ESCO1: variants seen among roughly 807,000 people sequenced by gnomAD.
ESCO1 encodes establishment of sister chromatid cohesion N-acetyltransferase 1, also known as N-acetyltransferase ESCO1.
ESCO1 carries 33 observed loss-of-function variants against 83.5 expected under a neutral mutation model. That is an observed-to-expected ratio of 0.40 (90% CI 0.30 to 0.53). ESCO1 has a LOEUF of 0.53. Ranked by LOEUF, ESCO1 falls within the 20% of genes least tolerant of loss-of-function variation. ESCO1 has a pLI of 0.63. For synonymous variants in ESCO1, 332 were observed against 324.3 expected, an observed-to-expected ratio of 1.02 and a Z score of -0.25; for missense variants, 855 against 968.0, an observed-to-expected ratio of 0.88 and a Z score of 1.55.
At chr18:21,594,595 T>C (rs1430334661) in intron 1 of ESCO1, among the ~76,000 whole-genome samples, 1 of 151,932 alleles carries the variant, frequency 6.6e-6, no homozygotes, top group Non-Finnish European at 1.5e-5. Flanking sequence ...TCCCAGCTAC[T>C]CGGGAGGCTG....
chr18:21,557,527 T>TAATATTG (rs1291452456), intron 8 of ESCO1, among the ~76,000 whole-genome samples: 1 of 152,256 alleles, frequency 6.6e-6, no homozygotes, highest in Non-Finnish European at 1.5e-5. Flanking sequence ...TTTAATAGTT[T>TAATATTG]CTTAGATCTT....
Position 21,575,198 on chromosome 18 carries a change from C to A in ESCO1, c.-355G>T. 5.2e-6 allele frequency: 2 copies of A among 382,758 alleles called. No individual in the cohort carries two copies. Among genetic ancestry groups the A allele is most frequent in the Non-Finnish European group, 9.2e-6 (2 of 217,156 alleles). The allele number at this position is 382,758 out of a possible 1,614,324, so 23.7% of individuals were successfully genotyped here. On this transcript the variant is annotated 5_prime_UTR_variant, in exon 4 of 12. Coordinates refer to ENST00000269214, the MANE Select transcript of ESCO1 (RefSeq NM_052911.3). ...TTTTTTAATTAATTTTGGTTTCAGG[C>A]CTAGCTCTATTACTGGAGGAGTTAT...
At chr18:21,594,025 G>A (rs1327422624) in intron 1 of ESCO1, among the ~76,000 whole-genome samples, 1 of 152,130 alleles carries the variant, frequency 6.6e-6, no homozygotes, top group Non-Finnish European at 1.5e-5. Context: ...GCATGGAGGA[G>A]CAGCAGCCTG....
chr18:21,594,668 A>G (rs921859773), intron 1 of ESCO1, among the ~76,000 whole-genome samples: 13 of 151,574 alleles, frequency 8.6e-5, no homozygotes, highest in African/African-American at 3.2e-4. Flanking sequence ...CGCACCACTG[A>G]ACTCCAGCCT....
chr18:21,595,113 C>G (rs1182182517), intron 1 of ESCO1, among the ~76,000 whole-genome samples: 1 of 151,814 alleles, frequency 6.6e-6, no homozygotes, highest in Non-Finnish European at 1.5e-5. Flanking sequence ...TCCCAAGGTG[C>G]TAGGATCACA....
chr18:21,559,621 T>C (rs2146196700), intron 8 of ESCO1, among the ~76,000 whole-genome samples: 1 of 152,364 alleles, frequency 6.6e-6, no homozygotes, highest in South Asian at 2.1e-4. Flanking sequence ...ACGAGGTTTG[T>C]ATATAAAATA....
At chr18:21,551,215 A>G (rs2038043114) in intron 8 of ESCO1, among the ~76,000 whole-genome samples, 1 of 152,088 alleles carries the variant, frequency 6.6e-6, no homozygotes, top group Non-Finnish European at 1.5e-5. Context: ...TCATGCCTGT[A>G]ATCCCAGCAC....
intron 9 of ESCO1, among the ~76,000 whole-genome samples, chr18:21,536,878 A>G (rs546615838): frequency 1.4e-3 from 214 of 152,300 alleles, no homozygotes; most frequent in African/African-American, 5.1e-3. Flanking sequence ...TCATCGGTAA[A>G]ACAAAAGTGA....
At chr18:21,589,500 C>A (rs2038631623) in intron 1 of ESCO1, among the ~76,000 whole-genome samples, 1 of 152,058 alleles carries the variant, frequency 6.6e-6, no homozygotes, top group African/African-American at 2.4e-5. Flanking sequence ...TTCTAGCTAT[C>A]TCAAGGTACA....
chr18:21,592,742 T>C (rs2038697078), intron 1 of ESCO1, among the ~76,000 whole-genome samples: 1 of 146,358 alleles, frequency 6.8e-6, no homozygotes. Context: ...GAGGGGCTCC[T>C]CACTTCTCAG....
In ESCO1 at chr18:21,530,505, TG is replaced by T. The variant is rs35451929; in HGVS notation, c.2376-16del. The stretch of plus-strand genomic sequence containing the variant: ...TAAAGTTACTCCTATTAAAAAAAAA[TG>T]GGGGGGGGGAAGGGTTAAGTGTGAA... On this transcript the variant is annotated splice_polypyrimidine_tract_variant and intron_variant, in intron 11 of 11. Coordinates refer to ENST00000269214, the MANE Select transcript of ESCO1 (RefSeq NM_052911.3). 977,543 of 1,148,002 alleles carry T rather than the reference TG, an allele frequency of 0.85. 411,350 individuals are homozygous for T. Among genetic ancestry groups the T allele is most frequent in the East Asian group, 0.95 (29,910 of 31,418 alleles). 71.1% of individuals were successfully genotyped at this position (1,148,002 alleles called of 1,614,324 possible).
chr18:21,572,237 TTTC>T (rs1309348199), intron 4 of ESCO1, among the ~76,000 whole-genome samples: 8 of 152,192 alleles, frequency 5.3e-5, no homozygotes, highest in Non-Finnish European at 1.2e-4. Context: ...CACTCCAAGT[TTTC>T]TTATTATAAA....
At chr18:21,556,620 A>G (rs1408389178) in intron 8 of ESCO1, among the ~76,000 whole-genome samples, 1 of 152,184 alleles carries the variant, frequency 6.6e-6, no homozygotes, top group African/African-American at 2.4e-5. Context: ...CGACCGAAGA[A>G]CAGTATTTTT....
intron 4 of ESCO1, among the ~76,000 whole-genome samples, chr18:21,568,919 A>G (rs1350453234): frequency 6.6e-6 from 1 of 151,172 alleles, no homozygotes; most frequent in Non-Finnish European, 1.5e-5. Flanking sequence ...AAAAAAAAAG[A>G]CAGGTTAAAT....
intron 8 of ESCO1, among the ~76,000 whole-genome samples, chr18:21,552,899 G>A (rs1438185613): frequency 6.6e-6 from 1 of 152,152 alleles, no homozygotes; most frequent in Admixed American, 6.6e-5. Context: ...ATGACCTTGG[G>A]TATGGCAATG....
intron 6 of ESCO1, among the ~76,000 whole-genome samples, chr18:21,565,464 C>A (rs969679089): frequency 6.6e-6 from 1 of 152,136 alleles, no homozygotes; most frequent in African/African-American, 2.4e-5. Context: ...TCTGACAATG[C>A]GGGATAAGTT....
At position 21,543,192 on chromosome 18, in the gene ESCO1, T is replaced by C. The variant is rs552360778; in HGVS notation, c.1954-3183A>G. On this transcript the variant is annotated intron_variant, in intron 8 of 11. Coordinates refer to ENST00000269214, the MANE Select transcript of ESCO1 (RefSeq NM_052911.3). Reference sequence around the variant, plus strand: ...TTTTTTTGAGACAGTTTCAATCTTGTTGCCCAGGCTGGAGTGCAATGGCGC... The same window carrying C: ...TTTTTTTGAGACAGTTTCAATCTTGCTGCCCAGGCTGGAGTGCAATGGCGC... Among the ~76,000 whole-genome samples the C allele has an allele frequency of 5.9e-5, 9 of 152,336 alleles. No homozygotes were observed. The East Asian group carries it at 1.7e-3, about 29-fold the overall frequency.
At chr18:21,568,132 G>A (rs2038288211) in intron 4 of ESCO1, 38 bp from the exon 5 acceptor site, 3 of 1,454,016 alleles carry the variant, frequency 2.1e-6, no homozygotes, top group South Asian at 1.2e-5. Flanking sequence ...CATCAACTTT[G>A]GGTTTTATCT....
chr18:21,530,504 A>T lies in ESCO1; in HGVS notation c.2376-14T>A, dbSNP rs918588000. 2 of 1,075,212 alleles carry T rather than the reference A, an allele frequency of 1.9e-6. No homozygotes were observed. The highest frequency in any genetic ancestry group is 6.2e-5 in the African/African-American group (2 of 32,042). 66.6% of individuals were successfully genotyped at this position (1,075,212 alleles called of 1,614,324 possible). ...ATAAAGTTACTCCTATTAAAAAAAA[A>T]TGGGGGGGGGGAAGGGTTAAGTGTG... On this transcript the variant is annotated splice_polypyrimidine_tract_variant and intron_variant, in intron 11 of 11. Coordinates refer to ENST00000269214, the MANE Select transcript of ESCO1 (RefSeq NM_052911.3).
Sources: allele counts gnomAD v4.1 joint callset (sites outside exome capture counted in the v4.1 genomes callset), GRCh38; gene constraint gnomAD v4.1.1; transcripts MANE v1.5; gene names NCBI Gene and HGNC (gene_info 2026-07-23, HGNC 2026-07-21).